The following TNR variants were observed in gnomAD, a reference collection of about 807,000 sequenced individuals.
The protein encoded by TNR is tenascin-R.
In TNR, 45 loss-of-function variants were observed where a neutral mutation model predicts 150.4. The observed-to-expected ratio is 0.30, with a 90% confidence interval of 0.24 to 0.38. The LOEUF (loss-of-function observed/expected upper bound fraction) is 0.38, where lower values mean the gene tolerates loss of function less well. TNR is among the 10% of genes least tolerant of loss of function. The pLI is 1.00. For synonymous variants in TNR, 687 were observed against 678.4 expected, an observed-to-expected ratio of 1.01 and a Z score of -0.20; for missense variants, 1,544 against 1,759.1, an observed-to-expected ratio of 0.88 and a Z score of 2.19.
chr1:175,543,303 G>A (rs906763054), intron 1 of TNR, among the ~76,000 whole-genome samples: 6 of 152,162 alleles, frequency 3.9e-5, no homozygotes, highest in Non-Finnish European at 4.4e-5. Context: ...CTGCAGAGGA[G>A]CCATTTAATG....
chr1:175,600,136 G>A (rs139449828), intron 1 of TNR, among the ~76,000 whole-genome samples: 1 of 152,274 alleles, frequency 6.6e-6, no homozygotes, highest in African/African-American at 2.4e-5. Flanking sequence ...TCTTGAGCAG[G>A]TTACTTAACT....
intron 1 of TNR, among the ~76,000 whole-genome samples, chr1:175,739,112 C>G (rs1667852607): frequency 6.6e-6 from 1 of 152,068 alleles, no homozygotes; most frequent in Non-Finnish European, 1.5e-5. Flanking sequence ...GGAGCCTTCC[C>G]CTAAAAGAGC....
chr1:175,617,128 T>C (rs1386695465), intron 1 of TNR, among the ~76,000 whole-genome samples: 2 of 152,158 alleles, frequency 1.3e-5, no homozygotes, highest in Non-Finnish European at 2.9e-5. Context: ...CACAAGCCAA[T>C]TGTGAGGATT....
intron 1 of TNR, among the ~76,000 whole-genome samples, chr1:175,607,959 TAGTC>T (rs1663468486): frequency 6.6e-6 from 1 of 152,226 alleles, no homozygotes; most frequent in Non-Finnish European, 1.5e-5. Flanking sequence ...TCTCTGAGCT[TAGTC>T]AGTTCTGTGG....
chr1:175,396,939 G>T, intron 4 of TNR, 132 bp from the exon 5 acceptor site: 1 of 1,173,890 alleles, frequency 8.5e-7, no homozygotes, highest in Non-Finnish European at 1.2e-6. Flanking sequence ...GGCTTTAAGT[G>T]ATTTGTAACT....
At chr1:175,645,647 C>T (rs984755787) in intron 1 of TNR, among the ~76,000 whole-genome samples, 4 of 152,164 alleles carry the variant, frequency 2.6e-5, no homozygotes, top group Admixed American at 6.5e-5. Flanking sequence ...ATAACCAACA[C>T]GACTCAGTGA....
At chr1:175,523,058 A>G (rs1659707002) in intron 2 of TNR, among the ~76,000 whole-genome samples, 1 of 152,218 alleles carries the variant, frequency 6.6e-6, no homozygotes, top group Non-Finnish European at 1.5e-5. Flanking sequence ...GTGCTCTGCA[A>G]TTCTCTGTCT....
At chr1:175,475,859 G>T (rs1208524685) in intron 2 of TNR, among the ~76,000 whole-genome samples, 1 of 152,116 alleles carries the variant, frequency 6.6e-6, no homozygotes, top group Non-Finnish European at 1.5e-5. Context: ...AGCAATTTGA[G>T]CAATCTAAGG....
intron 1 of TNR, among the ~76,000 whole-genome samples, chr1:175,625,780 G>A (rs910394798): frequency 2.6e-5 from 4 of 152,242 alleles, no homozygotes; most frequent in Non-Finnish European, 5.9e-5. Context: ...TTCATGGTCA[G>A]CAAGGGTCTC....
At chr1:175,689,263 G>A (rs10913056) in intron 1 of TNR, among the ~76,000 whole-genome samples, 91,647 of 152,024 alleles carry the variant, frequency 0.6, 28,564 homozygotes, top group East Asian at 0.96. Context: ...CCAGACAGTG[G>A]CACACTGCCT....
intron 14 of TNR, among the ~76,000 whole-genome samples, chr1:175,360,887 G>A (rs761443364): frequency 3.9e-5 from 6 of 152,110 alleles, no homozygotes; most frequent in South Asian, 2.1e-4. Flanking sequence ...AGACCTCAAC[G>A]TAAAACCACA....
At chr1:175,733,730 C>G (rs936969963) in intron 1 of TNR, among the ~76,000 whole-genome samples, 1 of 152,088 alleles carries the variant, frequency 6.6e-6, no homozygotes, top group African/African-American at 2.4e-5. Context: ...ATGCTTTCCT[C>G]CCCTCCAGAA....
At chr1:175,585,498 G>A (rs1662528836) in intron 1 of TNR, among the ~76,000 whole-genome samples, 1 of 152,130 alleles carries the variant, frequency 6.6e-6, no homozygotes, top group Admixed American at 6.5e-5. Context: ...AGAAAGCTGA[G>A]GCATACAGAT....
At chr1:175,552,972 G>A (rs955422641) in intron 1 of TNR, among the ~76,000 whole-genome samples, 1 of 152,114 alleles carries the variant, frequency 6.6e-6, no homozygotes, top group Non-Finnish European at 1.5e-5. Flanking sequence ...CTAGACCTGA[G>A]AGCCCTCTTG....
At chr1:175,430,410 A>C (rs2102070136) in intron 2 of TNR, among the ~76,000 whole-genome samples, 1 of 152,330 alleles carries the variant, frequency 6.6e-6, no homozygotes, top group South Asian at 2.1e-4. Flanking sequence ...CTAAATGAGA[A>C]CATTTGTTTT....
chr1:175,735,068 G>A (rs1260706559), intron 1 of TNR, among the ~76,000 whole-genome samples: 1 of 152,156 alleles, frequency 6.6e-6, no homozygotes, highest in Non-Finnish European at 1.5e-5. Flanking sequence ...ATCTCTCTGT[G>A]GCACAGACTG....
chr1:175,365,149 C>T lies in TNR; in HGVS notation c.2448G>A (p.Glu816=), dbSNP rs767499604. 8.7e-6 allele frequency: 14 copies of T among 1,614,036 alleles called. No homozygotes were observed. In the East Asian group the frequency reaches 2.7e-4, roughly 31 times the overall value. ...LNYSPRDEEE[E]MMEVSLDATK... ...TGGCATCCAGGGAGACCTCCATCAT[C>T]TCTTCCTCCTCATCCCTGGGGCTGT... Residue 816 remains glutamate (E), a synonymous_variant, in exon 12 of 23, where the codon GAG becomes GAA. Transcript: ENST00000367674.
intron 1 of TNR, among the ~76,000 whole-genome samples, chr1:175,678,584 A>G (rs1665936971): frequency 6.6e-6 from 1 of 152,134 alleles, no homozygotes; most frequent in African/African-American, 2.4e-5. Flanking sequence ...CTCTGGCCAG[A>G]TATCCTTCCT....
chr1:175,705,317 G>C (rs1571771809), intron 1 of TNR, among the ~76,000 whole-genome samples: 1 of 152,010 alleles, frequency 6.6e-6, no homozygotes, highest in East Asian at 1.9e-4. Context: ...AATGTATGCT[G>C]AATTGAATTT....
Sources: allele counts gnomAD v4.1 joint callset (sites outside exome capture counted in the v4.1 genomes callset), GRCh38; gene constraint gnomAD v4.1.1; transcripts MANE v1.5; gene names NCBI Gene and HGNC (gene_info 2026-07-23, HGNC 2026-07-21).